Variants in CEP72 observed in about 807,000 individuals in gnomAD.
CEP72 encodes centrosomal protein 72, also known as centrosomal protein of 72 kDa.
In CEP72, 78 loss-of-function variants were observed where a neutral mutation model predicts 65.7. The ratio of observed to expected loss-of-function variants is 1.19; its 90% CI spans 0.99 to 1.43. The LOEUF is 1.43. Ranked by LOEUF, CEP72 falls within the 40% of genes most tolerant of loss-of-function variation. The probability of loss-of-function intolerance (pLI) is 0.00; values close to 1 mark genes in which losing one functional copy is unlikely to be tolerated. For missense variants in CEP72, 914 were observed against 832.9 expected (o/e 1.10, Z -1.20); for synonymous variants, 358 against 351.7 (o/e 1.02, Z -0.20).
At chr5:642,294 T>G (rs1738105482) in intron 9 of CEP72, 1 of 983,966 alleles carries the variant, frequency 1.0e-6, no homozygotes, top group Non-Finnish European at 1.2e-6. Context: ...GCCTCTGTAT[T>G]TAAACACACA....
At chr5:657,910 G>C (rs1365092211), downstream of CEP72, among the ~76,000 whole-genome samples, 1 of 152,232 alleles carries the variant, frequency 6.6e-6, no homozygotes, top group African/African-American at 2.4e-5. Flanking sequence ...TGAAGTGTTA[G>C]GGGTTTTCTT....
chr5:635,265 C>T (rs527732821), intron 5 of CEP72, 107 bp from the exon 6 acceptor site: 468 of 810,634 alleles, frequency 5.8e-4, no homozygotes, highest in Non-Finnish European at 7.6e-4. Flanking sequence ...ATTAACCCCT[C>T]GGTCTAACAG....
chr5:657,757 G>A (rs115581238), downstream of CEP72, among the ~76,000 whole-genome samples: 165 of 152,348 alleles, frequency 1.1e-3, no homozygotes, highest in African/African-American at 3.8e-3. Flanking sequence ...GAGCTGGTGC[G>A]TCACTGTGAT....
downstream of CEP72, among the ~76,000 whole-genome samples, chr5:656,447 C>G (rs1215126915): frequency 6.6e-6 from 1 of 152,196 alleles, no homozygotes; most frequent in African/African-American, 2.4e-5. Context: ...TGTTAGGGCT[C>G]CTTCAGCGGG....
At chr5:635,040 C>T (rs560448576) in intron 5 of CEP72, among the ~76,000 whole-genome samples, 6 of 152,288 alleles carry the variant, frequency 3.9e-5, no homozygotes, top group South Asian at 2.1e-4. Flanking sequence ...GGACTACAGG[C>T]GCCCACCACC....
chr5:666,153 G>T, intron 4 of CEP72: 1 of 1,601,916 alleles, frequency 6.2e-7, no homozygotes, highest in African/African-American at 1.4e-5. Flanking sequence ...TTAGGGCTGG[G>T]CGCGGGCCGG....
rs4956956 is a variant in CEP72 at position 628,692 on chromosome 5, C to T, written c.512+4113C>T. 7.1e-4 allele frequency among the ~76,000 whole-genome samples: 56 copies of T among 78,340 alleles called. 3 individuals carry two copies. Among genetic ancestry groups the T allele is most frequent in the African/African-American group, 2.4e-3 (44 of 18,484 alleles). The allele number at this position is 78,340 out of a possible 152,430, so 51.4% of individuals were successfully genotyped here. ...TCTGGAGAACTCAGGTCACAGGCCCCGGGGAGTGTTCCCAGGACCCAGCCC... is the reference window on the plus strand; with the variant it reads ...TCTGGAGAACTCAGGTCACAGGCCCTGGGGAGTGTTCCCAGGACCCAGCCC... On this transcript the variant is annotated intron_variant, in intron 4 of 11. Transcript: ENST00000264935.
In CEP72 at chr5:635,567, A is replaced by G. The variant is rs1737534997; in HGVS notation, c.887A>G (p.Tyr296Cys). Residue 296 changes from tyrosine to cysteine, a missense_variant, in exon 6 of 12, where the codon TAC becomes TGC. Coordinates refer to ENST00000264935, the MANE Select transcript of CEP72 (RefSeq NM_018140.4). The stretch of plus-strand genomic sequence containing the variant: ...TCCCGTGCCCCCAGGCCACACACGT[A>G]CTTCACCCCACACCCAGGTACTTAC... The part of the protein sequence containing the change: ...EASRAPRPHT[Y>C]FTPHPDSMDT... 6.2e-7 allele frequency: 1 copy of G among 1,612,886 alleles called. No homozygotes were observed. The highest frequency in any genetic ancestry group is 8.5e-7 in the Non-Finnish European group (1 of 1,179,190).
chr5:667,700 T>TAAGA (rs1561081352), downstream of CEP72, among the ~76,000 whole-genome samples: 1 of 151,002 alleles, frequency 6.6e-6, no homozygotes, highest in Non-Finnish European at 1.5e-5. Flanking sequence ...AACTCAGCAG[T>TAAGA]AAGAAAAAAA....
At chr5:650,393 CTGTGAGGTGTGACTGTGGG>C (rs1561064603) in intron 11 of CEP72, among the ~76,000 whole-genome samples, 5 of 17,458 alleles carry the variant, frequency 2.9e-4, no homozygotes, top group Admixed American at 1.1e-3. Context: ...TGAGGTGTGA[CTGTGAGGTGTGACTGTGGG>C]TGTGAGGTGT....
chr5:665,383 C>T, intron 3 of CEP72: 1 of 1,313,988 alleles, frequency 7.6e-7, no homozygotes, highest in Non-Finnish European at 1.0e-6. Context: ...GGGCAGGTCT[C>T]CCAGCGGTGG....
intron 7 of CEP72, 28 bp from the exon 8 acceptor site, chr5:639,061 T>C: frequency 6.2e-7 from 1 of 1,612,700 alleles, no homozygotes; most frequent in Non-Finnish European, 8.5e-7. Context: ...ACTGACTCGC[T>C]GGCCTCATGC....
chr5:613,053 C>A (rs1332572972), intron 1 of CEP72, among the ~76,000 whole-genome samples: 1 of 152,192 alleles, frequency 6.6e-6, no homozygotes, highest in Non-Finnish European at 1.5e-5. Flanking sequence ...ATGACAAATT[C>A]TGTATCTCTG....
At chr5:659,707 G>A (rs914029528), downstream of CEP72, among the ~76,000 whole-genome samples, 5 of 152,224 alleles carry the variant, frequency 3.3e-5, no homozygotes, top group African/African-American at 7.2e-5. Context: ...ATGAGGAAGC[G>A]AGAGACTCCC....
intron 4 of CEP72, among the ~76,000 whole-genome samples, chr5:628,648 C>G (rs867663836): frequency 1.6e-4 from 19 of 120,256 alleles, no homozygotes; most frequent in African/African-American, 4.8e-4. Context: ...CAGGACCCAG[C>G]CCCCTTCTTT....
intron 2 of CEP72, chr5:665,179 G>C: frequency 6.2e-7 from 1 of 1,613,756 alleles, no homozygotes; most frequent in Non-Finnish European, 8.5e-7. Context: ...TCGTCCACCA[G>C]ATCCACGCGG....
chr5:650,006 GGACTGTGAGGTGT>G (rs1738864014), intron 11 of CEP72, among the ~76,000 whole-genome samples: 2 of 112,250 alleles, frequency 1.8e-5, no homozygotes, highest in African/African-American at 3.5e-5. Flanking sequence ...TGTGAGGCGT[GGACTGTGAGGTGT>G]GACTGTGAGG....
chr5:656,990 G>A (rs896881739), downstream of CEP72: 1 of 152,198 alleles, frequency 6.6e-6, no homozygotes, highest in East Asian at 1.9e-4. Flanking sequence ...TGCAGTGATG[G>A]AGATGACCAT....
intron 2 of CEP72, 78 bp from the exon 3 acceptor site, chr5:619,991 A>C: frequency 8.6e-7 from 1 of 1,169,246 alleles, no homozygotes; most frequent in Non-Finnish European, 1.2e-6. Context: ...TTGGTTGGTC[A>C]GTGTGTGTTG....
Sources: allele counts gnomAD v4.1 joint callset (sites outside exome capture counted in the v4.1 genomes callset), GRCh38; gene constraint gnomAD v4.1.1; transcripts MANE v1.5; gene names NCBI Gene and HGNC (gene_info 2026-07-23, HGNC 2026-07-21).